SLC1A4: variants seen among roughly 807,000 people sequenced by gnomAD.
SLC1A4 encodes the protein neutral amino acid transporter A.
A neutral mutation model predicts 37.7 loss-of-function variants in SLC1A4; 19 were observed. The observed-to-expected ratio is 0.50, with a 90% confidence interval of 0.35 to 0.74. The LOEUF is 0.74. Ranked by LOEUF, SLC1A4 falls within the 30% of genes least tolerant of loss-of-function variation. SLC1A4 has a pLI of 0.01. For synonymous variants in SLC1A4, 299 were observed against 309.8 expected (o/e 0.97, Z 0.37); for missense variants, 570 against 712.9 (o/e 0.80, Z 2.28).
intron 1 of SLC1A4, among the ~76,000 whole-genome samples, chr2:64,998,228 C>T (rs1473378295): frequency 2.1e-5 from 3 of 145,360 alleles, no homozygotes; most frequent in Non-Finnish European, 4.5e-5. Context: ...CAGAGCGAGA[C>T]TCCGTCTCAG....
intron 5 of SLC1A4, 30 bp downstream of exon 5, chr2:65,016,703 C>G (rs1312106691): frequency 2.1e-6 from 3 of 1,461,844 alleles, no homozygotes; most frequent in Non-Finnish European, 2.9e-6. Flanking sequence ...CTTCACTGCT[C>G]TGAGCCATGT....
chr2:64,990,279 G>A, intron 1 of SLC1A4, 109 bp downstream of exon 1: 1 of 1,069,500 alleles, frequency 9.4e-7, no homozygotes. Context: ...ATTCTTAGCT[G>A]GCTGCTGGTG....
chr2:65,018,303 G>A lies in SLC1A4; in HGVS notation c.1229+38G>A. 8 of 1,588,562 alleles carry A rather than the reference G, an allele frequency of 5.0e-6. No homozygotes were observed. Among genetic ancestry groups the A allele is most frequent in the Non-Finnish European group, 6.9e-6 (8 of 1,162,284 alleles). On this transcript the variant is annotated intron_variant, in intron 6 of 7. Transcript: ENST00000234256. This position sits in a 1 kb window ranked among gnomAD's most constrained non-coding sequence, Gnocchi z 4.3. The stretch of plus-strand genomic sequence containing the variant: ...TTCTTTCCCTGGCTCAAAACTGAAG[G>A]CTTTTCTTGTGATTTCCTTTGAAAA...
chr2:64,989,216 G>A (rs1672933223), upstream of SLC1A4, among the ~76,000 whole-genome samples: 1 of 151,730 alleles, frequency 6.6e-6, no homozygotes, highest in African/African-American at 2.4e-5. Context: ...CGCCCCCTGC[G>A]GCACCCGCGA....
At chr2:65,002,237 A>G (rs1260449106) in intron 2 of SLC1A4, among the ~76,000 whole-genome samples, 3 of 147,666 alleles carry the variant, frequency 2.0e-5, no homozygotes, top group Non-Finnish European at 4.5e-5. Context: ...CCGAGATCAC[A>G]CCACTGTACT....
rs1572956513 is a variant in SLC1A4 at position 65,006,042 on chromosome 2, G to T, written c.633+2027G>T. Reference sequence around the variant, plus strand: ...AAGAAACCAAGAGTGATGAGTAAATGCTAGAACACTAATTGTCTCTTCAAT... The same window carrying T: ...AAGAAACCAAGAGTGATGAGTAAATTCTAGAACACTAATTGTCTCTTCAAT... On this transcript the variant is annotated intron_variant, in intron 3 of 7. Transcript: ENST00000234256. Among the ~76,000 whole-genome samples the T allele has an allele frequency of 2.6e-5, 4 of 151,798 alleles. 1 individual carries two copies. The highest frequency in any genetic ancestry group is 2.6e-4 in the Admixed American group (4 of 15,268).
intron 1 of SLC1A4, among the ~76,000 whole-genome samples, chr2:64,997,228 TA>T (rs1311519701): frequency 6.6e-6 from 1 of 151,990 alleles, no homozygotes; most frequent in Non-Finnish European, 1.5e-5. Context: ...CTGTATAATC[TA>T]AAAAAAAGTT....
intron 7 of SLC1A4, among the ~76,000 whole-genome samples, chr2:65,019,511 C>T (rs896090627): frequency 3.9e-5 from 6 of 152,262 alleles, no homozygotes; most frequent in African/African-American, 1.2e-4. Flanking sequence ...ATAATGAGCA[C>T]GTGGTAAAAC....
At chr2:64,996,703 AT>A (rs1303902132) in intron 1 of SLC1A4, among the ~76,000 whole-genome samples, 1 of 152,224 alleles carries the variant, frequency 6.6e-6, no homozygotes, top group African/African-American at 2.4e-5. Context: ...AAATGCAGGC[AT>A]TTCAGTTGGA....
chr2:65,007,985 C>T (rs181122876), intron 3 of SLC1A4, among the ~76,000 whole-genome samples: 1 of 152,184 alleles, frequency 6.6e-6, no homozygotes, highest in Admixed American at 6.5e-5. Context: ...CCCTTTCCCC[C>T]CTACACCTCC....
Position 65,001,472 on chromosome 2 carries a change from G to C in SLC1A4, c.552G>C (p.Val184=). 1 of 1,613,954 alleles carries C rather than the reference G, an allele frequency of 6.2e-7. No homozygotes were observed. Among genetic ancestry groups the C allele is most frequent in the South Asian group, 1.1e-5 (1 of 91,058 alleles). The change falls in exon 2 of 8, where the codon GTG becomes GTC. Residue 184 remains valine, a synonymous_variant. Transcript: ENST00000234256. Reference sequence around the variant, plus strand: ...GAAACCTGTTTCCCTCCAATCTTGTGGTTGCAGCTTTCCGTACGGTAAGGC... The same window carrying C: ...GAAACCTGTTTCCCTCCAATCTTGTCGTTGCAGCTTTCCGTACGGTAAGGC... ...LARNLFPSNL[V]VAAFRTYATD...
intron 4 of SLC1A4, among the ~76,000 whole-genome samples, chr2:65,013,265 C>T (rs1673992924): frequency 6.6e-6 from 1 of 152,184 alleles, no homozygotes; most frequent in African/African-American, 2.4e-5. Flanking sequence ...TCTTGTTGCC[C>T]AGGCTGCAGT....
Position 64,989,525 on chromosome 2 carries a change from G to A in SLC1A4, c.-119G>A. 1 of 912,610 alleles carries A rather than the reference G, an allele frequency of 1.1e-6. No individual in the cohort carries two copies. Among genetic ancestry groups the A allele is most frequent in the Non-Finnish European group, 1.5e-6 (1 of 671,766 alleles). 56.5% of individuals were successfully genotyped at this position (912,610 alleles called of 1,614,324 possible). On this transcript the variant is annotated 5_prime_UTR_variant, in exon 1 of 8. Transcript: ENST00000234256. ...CCTGCGCCAGGCCCGGAGACCCCCG[G>A]GGCGGCTTCCCAGAACCTGCGGAGC...
intron 7 of SLC1A4, among the ~76,000 whole-genome samples, chr2:65,020,088 T>C (rs1207108497): frequency 3.3e-5 from 5 of 152,252 alleles, no homozygotes; most frequent in Admixed American, 1.3e-4. Flanking sequence ...AGGATAGTGA[T>C]ATTTTCTTTG....
chr2:65,010,870 T>C (rs899935296), intron 4 of SLC1A4, 107 bp downstream of exon 4: 1 of 1,144,484 alleles, frequency 8.7e-7, no homozygotes, highest in Non-Finnish European at 1.3e-6. Flanking sequence ...GGCACAATGC[T>C]GTGTATGTGG....
intron 3 of SLC1A4, among the ~76,000 whole-genome samples, chr2:65,004,383 G>A (rs895043817): frequency 1.3e-5 from 2 of 151,970 alleles, no homozygotes; most frequent in African/African-American, 4.8e-5. Context: ...CCGAGTAGCT[G>A]GGACTACAGA....
At position 65,020,959 on chromosome 2, in the gene SLC1A4, C is replaced by A; in HGVS notation, c.1412C>A (p.Ala471Glu). 1.9e-6 allele frequency: 3 copies of A among 1,614,164 alleles called. No individual in the cohort carries two copies. Among genetic ancestry groups the A allele is most frequent in the Non-Finnish European group, 2.5e-6 (3 of 1,180,004 alleles). The change falls in exon 8 of 8, where the codon GCA becomes GAA. Residue 471 changes from alanine to glutamate, a missense_variant. Physicochemically the swap from Ala to Glu is moderately radical, Grantham distance 107. Coordinates refer to ENST00000234256, the MANE Select transcript of SLC1A4 (RefSeq NM_003038.5). Reference sequence around the variant, plus strand: ...AATGTGGAAGGGGATGCCCTGGGTGCAGGCATTCTCCACCACCTGAATCAG... The same window carrying A: ...AATGTGGAAGGGGATGCCCTGGGTGAAGGCATTCTCCACCACCTGAATCAG... ...VVNVEGDALG[A>E]GILHHLNQKA...
chr2:65,008,421 T>G (rs1673770745), intron 3 of SLC1A4, among the ~76,000 whole-genome samples: 1 of 152,136 alleles, frequency 6.6e-6, no homozygotes, highest in African/African-American at 2.4e-5. Flanking sequence ...GAGAATCACT[T>G]AAGCCCAGGA....
chr2:65,004,117 G>C, intron 3 of SLC1A4, 102 bp downstream of exon 3: 1 of 952,522 alleles, frequency 1.0e-6, no homozygotes, highest in Non-Finnish European at 1.7e-6. Context: ...TTTGAGGTTT[G>C]AATGGGCTAT....
Sources: gnomAD v4.1 joint callset for allele counts (sites outside exome capture counted in the v4.1 genomes callset) on GRCh38, gnomAD v4.1.1 for gene constraint, Gnocchi (gnomAD v3.1) non-coding constraint, MANE v1.5 for transcripts, NCBI Gene and HGNC (gene_info 2026-07-23, HGNC 2026-07-21) for gene names.